Variants in CSMD1 observed in about 807,000 individuals in gnomAD.
CSMD1 encodes CUB and Sushi multiple domains 1.
CSMD1 carries 213 observed loss-of-function variants against 417.5 expected under a neutral mutation model. The ratio of observed to expected loss-of-function variants is 0.51; its 90% CI spans 0.46 to 0.57. The LOEUF (loss-of-function observed/expected upper bound fraction) is 0.57, where lower values mean the gene tolerates loss of function less well. CSMD1 is among the 20% of genes least tolerant of loss of function. The pLI, the probability that CSMD1 is intolerant of heterozygous loss-of-function variation, is 0.00. For missense variants in CSMD1, 6,923 were observed against 4,529.7 expected, an observed-to-expected ratio of 1.53 and a Z score of -15.17; for synonymous variants, 2,862 against 1,736.8, an observed-to-expected ratio of 1.65 and a Z score of -16.11.
chr8:3,715,397 G>T (rs1166179305), intron 6 of CSMD1, among the ~76,000 whole-genome samples: 2 of 152,092 alleles, frequency 1.3e-5, no homozygotes, highest in African/African-American at 2.4e-5. Context: ...CTGCCCTAAA[G>T]CTCATCACCT....
At chr8:4,257,540 T>C (rs1803547858) in intron 3 of CSMD1, among the ~76,000 whole-genome samples, 1 of 152,204 alleles carries the variant, frequency 6.6e-6, no homozygotes, top group East Asian at 1.9e-4. Context: ...ATAAAGTCCT[T>C]TCAATTACAT....
chr8:3,700,775 G>C (rs558658605), intron 7 of CSMD1: 1 of 152,434 alleles, frequency 6.6e-6, no homozygotes, highest in South Asian at 2.1e-4. Context: ...CAGAAACCAA[G>C]AGGACCAGGA....
rs571342853 is a variant in CSMD1 at position 4,590,074 on chromosome 8, G to A, written c.302+47268C>T. Among the ~76,000 whole-genome samples the A allele has an allele frequency of 2.0e-5, 3 of 152,178 alleles. No homozygotes were observed. In the East Asian group the frequency reaches 5.8e-4, roughly 29 times the overall value. On this transcript the variant is annotated intron_variant, in intron 2 of 69. Coordinates refer to ENST00000635120, the MANE Select transcript of CSMD1 (RefSeq NM_033225.6). Reference sequence around the variant, plus strand: ...TTTATTTATTTTGTGGTGGTAACATGTATTTATGAAATCTTCAAAGTTATA... The same window carrying A: ...TTTATTTATTTTGTGGTGGTAACATATATTTATGAAATCTTCAAAGTTATA...
chr8:3,913,316 C>G (rs1207340759), intron 5 of CSMD1, among the ~76,000 whole-genome samples: 1 of 152,036 alleles, frequency 6.6e-6, no homozygotes, highest in African/African-American at 2.4e-5. Flanking sequence ...CATCGACCTG[C>G]TCAGGAGTGA....
intron 7 of CSMD1, among the ~76,000 whole-genome samples, chr8:3,629,463 T>C (rs772501290): frequency 2.6e-5 from 4 of 152,284 alleles, no homozygotes; most frequent in South Asian, 2.1e-4. Flanking sequence ...ATTGGGAAAA[T>C]TTAATGACAT....
intron 5 of CSMD1, among the ~76,000 whole-genome samples, chr8:3,993,649 G>C (rs1283986232): frequency 2.0e-5 from 3 of 152,116 alleles, no homozygotes; most frequent in African/African-American, 7.2e-5. Flanking sequence ...AGTTATGCTG[G>C]TTCATGAAAA....
At chr8:3,595,819 C>A (rs1024360875) in intron 8 of CSMD1, among the ~76,000 whole-genome samples, 1 of 152,198 alleles carries the variant, frequency 6.6e-6, no homozygotes, top group East Asian at 1.9e-4. Context: ...CGTTCACCCA[C>A]CTATCTATAC....
At position 4,587,382 on chromosome 8, in the gene CSMD1, T is replaced by C. The variant is rs561568940; in HGVS notation, c.302+49960A>G. Among the ~76,000 whole-genome samples, 5 of 151,762 alleles carry C rather than the reference T, an allele frequency of 3.3e-5. No individual in the cohort carries two copies. In the East Asian group the frequency reaches 9.7e-4, roughly 29 times the overall value. Reference sequence around the variant, plus strand: ...ATCAAGTTCTTGATATATATGTATATGTACATACATGTATATGTGGATATA... The same window carrying C: ...ATCAAGTTCTTGATATATATGTATACGTACATACATGTATATGTGGATATA... On this transcript the variant is annotated intron_variant, in intron 2 of 69. Coordinates refer to ENST00000635120, the MANE Select transcript of CSMD1 (RefSeq NM_033225.6).
intron 1 of CSMD1, among the ~76,000 whole-genome samples, chr8:4,639,251 A>ATTT (rs34704649): frequency 0.05 from 6,572 of 131,348 alleles, 333 homozygotes; most frequent in Middle Eastern, 0.076. Flanking sequence ...GTGGTTGTCA[A>ATTT]TTTTTTTTTT....
chr8:4,857,409 C>G (rs1356565746), intron 1 of CSMD1, among the ~76,000 whole-genome samples: 1 of 151,966 alleles, frequency 6.6e-6, no homozygotes, highest in Admixed American at 6.6e-5. Context: ...CAAGAAATAA[C>G]TAAAATCAGA....
At chr8:3,609,598 A>C (rs1440965236) in intron 8 of CSMD1, among the ~76,000 whole-genome samples, 1 of 152,120 alleles carries the variant, frequency 6.6e-6, no homozygotes, top group Non-Finnish European at 1.5e-5. Flanking sequence ...CAGCCTAAAA[A>C]AGTGAACTCT....
At chr8:3,606,680 C>G (rs1054944328) in intron 8 of CSMD1, among the ~76,000 whole-genome samples, 3 of 150,998 alleles carry the variant, frequency 2.0e-5, no homozygotes, top group Non-Finnish European at 4.4e-5. Context: ...ATAAATTAAC[C>G]TTAACTTACT....
chr8:3,818,366 C>T (rs1339445994), intron 5 of CSMD1, among the ~76,000 whole-genome samples: 1 of 152,188 alleles, frequency 6.6e-6, no homozygotes, highest in Non-Finnish European at 1.5e-5. Flanking sequence ...TTCCTAAGGT[C>T]TCCAAATGTT....
At chr8:4,040,921 G>A (rs1027094427) in intron 3 of CSMD1, among the ~76,000 whole-genome samples, 1 of 151,904 alleles carries the variant, frequency 6.6e-6, no homozygotes, top group Non-Finnish European at 1.5e-5. Context: ...ATATTTGCTA[G>A]TGTGAATTAT....
At chr8:3,345,364 A>G (rs1012944564) in intron 22 of CSMD1, among the ~76,000 whole-genome samples, 5 of 152,148 alleles carry the variant, frequency 3.3e-5, no homozygotes, top group Non-Finnish European at 5.9e-5. Flanking sequence ...TATCCATGTC[A>G]TCAGCAATCA....
At chr8:3,620,776 A>C (rs1802385319) in intron 7 of CSMD1, among the ~76,000 whole-genome samples, 1 of 152,226 alleles carries the variant, frequency 6.6e-6, no homozygotes, top group Non-Finnish European at 1.5e-5. Context: ...AGACATATGA[A>C]AATTGAATAA....
At chr8:3,834,959 A>G (rs2129089887) in intron 5 of CSMD1, among the ~76,000 whole-genome samples, 1 of 152,268 alleles carries the variant, frequency 6.6e-6, no homozygotes, top group South Asian at 2.1e-4. Flanking sequence ...CAAAAAACAC[A>G]TGAAAAAATG....
At chr8:3,529,122 T>G (rs1307361285) in intron 10 of CSMD1, among the ~76,000 whole-genome samples, 1 of 152,220 alleles carries the variant, frequency 6.6e-6, no homozygotes, top group Non-Finnish European at 1.5e-5. Flanking sequence ...TAATCATTAT[T>G]TCATTAAAAT....
intron 3 of CSMD1, among the ~76,000 whole-genome samples, chr8:4,192,148 A>C (rs758758387): frequency 3.9e-5 from 6 of 152,184 alleles, no homozygotes; most frequent in Admixed American, 6.5e-5. Context: ...TCTTCACTCC[A>C]GTGCACCAAT....
Sources: gnomAD v4.1 joint callset for allele counts (sites outside exome capture counted in the v4.1 genomes callset) on GRCh38, gnomAD v4.1.1 for gene constraint, MANE v1.5 for transcripts, NCBI Gene and HGNC (gene_info 2026-07-23, HGNC 2026-07-21) for gene names.